DDR2: variants seen among roughly 807,000 people sequenced by gnomAD.
DDR2 encodes the protein discoidin domain-containing receptor 2.
In DDR2, 27 loss-of-function variants were observed where a neutral mutation model predicts 94.9. That is an observed-to-expected ratio of 0.28 (90% CI 0.21 to 0.39). The LOEUF is 0.39. Ranked by LOEUF, DDR2 falls within the 10% of genes least tolerant of loss-of-function variation. The pLI, the probability that DDR2 is intolerant of heterozygous loss-of-function variation, is 1.00. For missense variants in DDR2, 783 were observed against 1,076.0 expected, an observed-to-expected ratio of 0.73 and a Z score of 3.81; for synonymous variants, 382 against 377.2, an observed-to-expected ratio of 1.01 and a Z score of -0.15.
At chr1:162,723,286 G>A (rs1262565021) in intron 3 of DDR2, among the ~76,000 whole-genome samples, 2 of 152,182 alleles carry the variant, frequency 1.3e-5, no homozygotes, top group East Asian at 1.9e-4. Flanking sequence ...GCGGGGCTAT[G>A]TAGGAGATCC....
Position 162,687,866 on chromosome 1 carries a change from G to A in DDR2, c.-27-31171G>A, listed in dbSNP as rs1017303583. ...ATATGCCAAGCATTAATGGGGTCAC[G>A]AGGTGGATCGTTCTTTTGGGTGCCC... On this transcript the variant is annotated intron_variant, in intron 2 of 17. Transcript: ENST00000367921. Among the ~76,000 whole-genome samples, 6 of 152,138 alleles carry A rather than the reference G, an allele frequency of 3.9e-5. No individual in the cohort carries two copies. The South Asian group carries it at 6.2e-4, about 16-fold the overall frequency.
At chr1:162,642,910 G>A (rs570581727) in intron 1 of DDR2, among the ~76,000 whole-genome samples, 1 of 152,308 alleles carries the variant, frequency 6.6e-6, no homozygotes, top group South Asian at 2.1e-4. Context: ...GTTTGGAGGT[G>A]AAAAATTTTC....
intron 2 of DDR2, among the ~76,000 whole-genome samples, chr1:162,715,248 G>A (rs971342543): frequency 6.6e-6 from 1 of 152,146 alleles, no homozygotes; most frequent in African/African-American, 2.4e-5. Flanking sequence ...AATGAACATG[G>A]AGCTTGTGTG....
intron 3 of DDR2, among the ~76,000 whole-genome samples, chr1:162,730,632 G>A (rs1661993833): frequency 6.6e-6 from 1 of 152,180 alleles, no homozygotes; most frequent in Admixed American, 6.5e-5. Context: ...CGAAAGCAGA[G>A]CAGAGTGTCT....
intron 2 of DDR2, among the ~76,000 whole-genome samples, chr1:162,704,893 T>C (rs189672307): frequency 6.6e-6 from 1 of 152,332 alleles, no homozygotes; most frequent in Admixed American, 6.5e-5. Context: ...TAGCTCTTGC[T>C]TCAAGGGGTT....
chr1:162,726,014 C>A (rs1661646291), intron 3 of DDR2, among the ~76,000 whole-genome samples: 1 of 152,184 alleles, frequency 6.6e-6, no homozygotes, highest in Non-Finnish European at 1.5e-5. Flanking sequence ...CAGGCTTTGC[C>A]TACTCGCTGG....
intron 2 of DDR2, among the ~76,000 whole-genome samples, chr1:162,707,837 G>A (rs1426733662): frequency 1.3e-5 from 2 of 152,200 alleles, no homozygotes; most frequent in South Asian, 2.1e-4. Context: ...GAATGGTACT[G>A]TAAGTTCTTT....
In DDR2 at chr1:162,778,730, G is replaced by GT; in HGVS notation, c.2433+2dup. 1 of 1,613,838 alleles carries GT rather than the reference G, an allele frequency of 6.2e-7. No individual in the cohort carries two copies. The highest frequency in any genetic ancestry group is 8.5e-7 in the Non-Finnish European group (1 of 1,179,812). On this transcript the variant is annotated splice_donor_variant, in intron 17 of 17. Transcript: ENST00000367921. LOFTEE classifies it high-confidence loss of function. ...GTTCTTCCGAGACCAAGGGAGGCAG[G>GT]TAAGAACTGTTGGGGATGAATGGAT...
chr1:162,686,964 T>C (rs368261999), intron 2 of DDR2, among the ~76,000 whole-genome samples: 1 of 152,346 alleles, frequency 6.6e-6, no homozygotes, highest in African/African-American at 2.4e-5. Flanking sequence ...CAGAGTTGGC[T>C]GTGTTAAATT....
intron 2 of DDR2, among the ~76,000 whole-genome samples, chr1:162,656,410 A>C (rs992373): frequency 6.6e-6 from 1 of 151,614 alleles, no homozygotes; most frequent in East Asian, 1.9e-4. Context: ...TCTCCCTGTC[A>C]AGATGCTTTT....
intron 1 of DDR2, 120 bp downstream of exon 1, chr1:162,632,751 G>A (rs1656619179): frequency 6.6e-6 from 1 of 152,176 alleles, no homozygotes; most frequent in Non-Finnish European, 1.5e-5. Flanking sequence ...GGCGTTTTAA[G>A]TCAGACAAGG....
intron 1 of DDR2, among the ~76,000 whole-genome samples, chr1:162,642,281 C>A (rs1313194158): frequency 6.8e-6 from 1 of 146,900 alleles, no homozygotes; most frequent in Admixed American, 6.8e-5. Flanking sequence ...ATCTATCTAT[C>A]TATTTTTTGA....
chr1:162,689,692 G>C (rs2101973247), intron 2 of DDR2, among the ~76,000 whole-genome samples: 1 of 151,568 alleles, frequency 6.6e-6, no homozygotes, highest in East Asian at 1.9e-4. Context: ...TTTTCAAAGG[G>C]CTTACCAAGA....
intron 1 of DDR2, among the ~76,000 whole-genome samples, chr1:162,654,958 C>A (rs532389730): frequency 6.6e-6 from 1 of 152,136 alleles, no homozygotes; most frequent in African/African-American, 2.4e-5. Flanking sequence ...TATTATTCAA[C>A]AAAATTACTA....
chr1:162,644,826 C>T (rs1450901207), intron 1 of DDR2, among the ~76,000 whole-genome samples: 1 of 152,102 alleles, frequency 6.6e-6, no homozygotes, highest in Non-Finnish European at 1.5e-5. Flanking sequence ...GAACTCCTGA[C>T]CTCAGGTTAT....
At chr1:162,770,650 A>G (rs1308878917) in intron 12 of DDR2, 138 bp downstream of exon 12, 3 of 913,194 alleles carry the variant, frequency 3.3e-6, no homozygotes, top group Non-Finnish European at 5.3e-6. Flanking sequence ...TTCTCTTTCT[A>G]GATTTGGTCT....
At chr1:162,691,481 T>A (rs1171263671) in intron 2 of DDR2, among the ~76,000 whole-genome samples, 1 of 152,204 alleles carries the variant, frequency 6.6e-6, no homozygotes, top group Non-Finnish European at 1.5e-5. Flanking sequence ...TTTATTTATG[T>A]GGAGTCCTAA....
intron 1 of DDR2, among the ~76,000 whole-genome samples, chr1:162,641,959 A>G (rs1318438259): frequency 6.6e-6 from 1 of 151,950 alleles, no homozygotes; most frequent in African/African-American, 2.4e-5. Context: ...ATATTTATTT[A>G]TTTATTTTTG....
intron 2 of DDR2, among the ~76,000 whole-genome samples, chr1:162,704,736 C>T (rs1571220754): frequency 6.6e-6 from 1 of 152,154 alleles, no homozygotes; most frequent in East Asian, 1.9e-4. Flanking sequence ...GCCCTACTTC[C>T]TAATACTATC....
Sources: gnomAD v4.1 joint callset for allele counts (sites outside exome capture counted in the v4.1 genomes callset) on GRCh38, gnomAD v4.1.1 for gene constraint, MANE v1.5 for transcripts, NCBI Gene and HGNC (gene_info 2026-07-23, HGNC 2026-07-21) for gene names.